Variants in EPB41L3 observed in about 807,000 individuals in gnomAD.
EPB41L3 encodes the protein band 4.1-like protein 3.
In EPB41L3, 57 loss-of-function variants were observed where a neutral mutation model predicts 127.1. The ratio of observed to expected loss-of-function variants is 0.45; its 90% CI spans 0.36 to 0.56. The LOEUF (loss-of-function observed/expected upper bound fraction) is 0.56, where lower values mean the gene tolerates loss of function less well. Ranked by LOEUF, EPB41L3 falls within the 20% of genes least tolerant of loss-of-function variation. The pLI is 0.00. For synonymous variants in EPB41L3, 572 were observed against 549.5 expected, an observed-to-expected ratio of 1.04 and a Z score of -0.57; for missense variants, 1,273 against 1,372.2, an observed-to-expected ratio of 0.93 and a Z score of 1.14.
intron 2 of EPB41L3, 139 bp downstream of exon 2, chr18:5,488,862 A>C (rs565547752): frequency 1.1e-6 from 1 of 931,220 alleles, no homozygotes; most frequent in African/African-American, 1.8e-5. Context: ...AATAGCATAC[A>C]TTTTCATCTG....
upstream of EPB41L3, chr18:5,630,261 T>A (rs1169537359): frequency 6.9e-6 from 3 of 435,540 alleles, no homozygotes; most frequent in Non-Finnish European, 1.3e-5. Context: ...CCTTCCTCGC[T>A]TTCTCCCCCA....
rs567048072 is a variant in EPB41L3, at chr18:5,563,454, CAAA to C, written c.-306+48883_-306+48885del. 3.6e-3 allele frequency among the ~76,000 whole-genome samples: 546 copies of C among 152,088 alleles called. 3 individuals carry two copies. The highest frequency in any genetic ancestry group is 0.012 in the African/African-American group (502 of 41,476). The stretch of plus-strand genomic sequence containing the variant: ...CAAGAAATAATAATATTAATAGTAA[CAAA>C]GAAGTTATTATCATTATTATATGAA... On this transcript the variant is annotated intron_variant, in intron 3 of 21. Transcript: ENST00000545076.
chr18:5,444,292 G>T (rs1057473847), intron 4 of EPB41L3, among the ~76,000 whole-genome samples: 4 of 152,144 alleles, frequency 2.6e-5, no homozygotes, highest in African/African-American at 9.7e-5. Context: ...AAGATCCTTA[G>T]GCATCTACCT....
intron 3 of EPB41L3, among the ~76,000 whole-genome samples, chr18:5,447,233 G>A (rs947318811): frequency 6.6e-6 from 1 of 152,110 alleles, no homozygotes; most frequent in Admixed American, 6.6e-5. Flanking sequence ...GCCTAGTGGT[G>A]GCATATATTA....
At chr18:5,437,895 T>C in intron 6 of EPB41L3, 140 bp downstream of exon 6, 1 of 639,034 alleles carries the variant, frequency 1.6e-6, no homozygotes, top group Non-Finnish European at 2.6e-6. Context: ...ATGTTTGCTC[T>C]CGTTCATTTG....
intron 3 of EPB41L3, among the ~76,000 whole-genome samples, chr18:5,584,213 G>A (rs1253743629): frequency 3.9e-5 from 6 of 152,168 alleles, no homozygotes; most frequent in Non-Finnish European, 2.9e-5. Context: ...AGCCAAGACA[G>A]CCAATAGCTG....
rs2073453368 is a variant in EPB41L3 at position 5,396,326 on chromosome 18, T to C, written c.2848A>G (p.Thr950Ala). 2 of 1,614,212 alleles carry C rather than the reference T, an allele frequency of 1.2e-6. No homozygotes were observed. Among genetic ancestry groups the C allele is most frequent in the Non-Finnish European group, 1.7e-6 (2 of 1,180,032 alleles). ...LEQKPHFESS[T>A]VKTETISFGS... ...AAACTGATGGTTTCCGTCTTCACCG[T>C]TGAGGACTGTGCCAAAGGGGAGTAA... is the stretch of plus-strand genomic sequence containing the variant. Residue 950 changes from threonine to alanine, a missense_variant, in exon 19 of 23, where the codon ACG becomes GCG. By Grantham distance (58) the Thr-to-Ala change is moderately conservative. Transcript: ENST00000341928.
rs1271302853 is a variant in EPB41L3, at chr18:5,543,799, A to T, written c.-12+114T>A. The T allele has an allele frequency of 4.4e-5, 37 of 833,122 alleles. No individual in the cohort carries two copies. In the South Asian group the frequency reaches 1.7e-3, roughly 38 times the overall value. The allele number at this position is 833,122 out of a possible 1,614,324, so 51.6% of individuals were successfully genotyped here. A position where few individuals can be genotyped will look rare whatever the true frequency, so the allele number is the denominator to read the frequency against. ...CGGGAGACCGCGCGGCGCCGAAGCC[A>T]CGCGTCAGCCCCACTGTCCCGCGCG... is the stretch of plus-strand genomic sequence containing the variant. On this transcript the variant is annotated intron_variant, in intron 1 of 22. Transcript: ENST00000341928. This position sits in a 1 kb window ranked among gnomAD's most constrained non-coding sequence, Gnocchi z 5.2.
intron 16 of EPB41L3, among the ~76,000 whole-genome samples, chr18:5,404,069 T>C (rs953919598): frequency 2.0e-5 from 3 of 152,124 alleles, no homozygotes; most frequent in Non-Finnish European, 2.9e-5. Context: ...AATTGGAGTA[T>C]AAACTTGATG....
upstream of EPB41L3, among the ~76,000 whole-genome samples, chr18:5,549,209 C>T (rs2093929233): frequency 6.6e-6 from 1 of 152,162 alleles, no homozygotes; most frequent in South Asian, 2.1e-4. Context: ...TAATTTAATT[C>T]CTGTTTTCCA....
At chr18:5,404,592 T>C (rs182662471) in intron 16 of EPB41L3, among the ~76,000 whole-genome samples, 19 of 152,324 alleles carry the variant, frequency 1.2e-4, no homozygotes, top group Middle Eastern at 6.8e-3. Context: ...CAAATGTTAA[T>C]TCTCTAATGT....
intron 5 of EPB41L3, among the ~76,000 whole-genome samples, chr18:5,440,239 GCTA>G (rs2080478419): frequency 6.6e-6 from 1 of 152,016 alleles, no homozygotes; most frequent in African/African-American, 2.4e-5. Flanking sequence ...AATCACTACT[GCTA>G]CTAAGGAATC....
At chr18:5,503,273 A>G (rs1598395387) in intron 1 of EPB41L3, among the ~76,000 whole-genome samples, 1 of 152,334 alleles carries the variant, frequency 6.6e-6, no homozygotes, top group East Asian at 1.9e-4. Flanking sequence ...TTCATCCTAC[A>G]TTAACGTAAC....
intron 16 of EPB41L3, chr18:5,399,111 T>G (rs975137002): frequency 1.0e-5 from 4 of 399,026 alleles, no homozygotes; most frequent in African/African-American, 8.2e-5. Flanking sequence ...CTCACCCTCT[T>G]TAGCTTTCCC....
At chr18:5,435,374 C>T (rs1456760451) in intron 6 of EPB41L3, among the ~76,000 whole-genome samples, 2 of 152,158 alleles carry the variant, frequency 1.3e-5, no homozygotes, top group East Asian at 1.9e-4. Context: ...AGCAACTTCC[C>T]GTCCTGCACG....
chr18:5,482,977 C>T (rs1289955013), intron 2 of EPB41L3, among the ~76,000 whole-genome samples: 2 of 152,198 alleles, frequency 1.3e-5, no homozygotes, highest in African/African-American at 2.4e-5. Context: ...TACTCTATTA[C>T]TGTACTTACT....
At chr18:5,539,744 G>A (rs1049713485) in intron 1 of EPB41L3, 5 of 152,062 alleles carry the variant, frequency 3.3e-5, no homozygotes, top group African/African-American at 1.2e-4. Flanking sequence ...TATTGCTTCC[G>A]AATTTCAGTC....
chr18:5,472,615 C>T (rs1009821962), intron 3 of EPB41L3, among the ~76,000 whole-genome samples: 5 of 152,128 alleles, frequency 3.3e-5, no homozygotes, highest in Non-Finnish European at 7.4e-5. Context: ...AATTAATATT[C>T]TTGTAATTCA....
chr18:5,502,124 A>G (rs753452667), intron 1 of EPB41L3, among the ~76,000 whole-genome samples: 8 of 152,192 alleles, frequency 5.3e-5, no homozygotes, highest in African/African-American at 9.6e-5. Context: ...GCCTTCTGAT[A>G]TTCTGACTAC....
Sources: gnomAD v4.1 joint callset for allele counts (sites outside exome capture counted in the v4.1 genomes callset) on GRCh38, gnomAD v4.1.1 for gene constraint, Gnocchi (gnomAD v3.1) non-coding constraint, MANE v1.5 for transcripts, NCBI Gene and HGNC (gene_info 2026-07-23, HGNC 2026-07-21) for gene names.